Variants in MYO5B observed in about 807,000 individuals in gnomAD.
The protein encoded by MYO5B is myosin VB.
Under a neutral mutation model 229.3 loss-of-function variants are expected in MYO5B, and 143 were observed. The ratio of observed to expected loss-of-function variants is 0.62; its 90% confidence interval spans 0.54 to 0.72. The LOEUF (loss-of-function observed/expected upper bound fraction) is 0.72. Among genes scored for constraint, MYO5B ranks in the 30% least tolerant of loss-of-function variants. The pLI is 0.00. For synonymous variants in MYO5B, 918 were observed against 885.2 expected, an observed-to-expected ratio of 1.04 and a Z score of -0.66; for missense variants, 2,321 against 2,331.0, an observed-to-expected ratio of 1.00 and a Z score of 0.09.
chr18:50,037,214 CAA>C (rs1278629068), intron 3 of MYO5B, among the ~76,000 whole-genome samples: 1 of 148,864 alleles, frequency 6.7e-6, no homozygotes. Context: ...TACACACACA[CAA>C]ACACACACAC....
intron 1 of MYO5B, among the ~76,000 whole-genome samples, chr18:50,117,292 T>C (rs182165653): frequency 1.3e-5 from 2 of 152,068 alleles, no homozygotes; most frequent in Admixed American, 6.5e-5. Flanking sequence ...AAAAATAGCA[T>C]GCTCATGAAT....
intron 2 of MYO5B, 33 bp downstream of exon 2, chr18:50,055,235 A>ACCCCCCCCCCCCCTCCCCCCCCCCCC: frequency 2.8e-6 from 1 of 353,292 alleles, no homozygotes; most frequent in Non-Finnish European, 5.7e-6. Flanking sequence ...GCCCCACCTC[A>ACCCCCCCCCCCCCTCCCCCCCCCCCC]CCCCCGCCCC....
At chr18:49,994,584 C>T (rs1598938332) in intron 5 of MYO5B, among the ~76,000 whole-genome samples, 1 of 152,180 alleles carries the variant, frequency 6.6e-6, no homozygotes, top group Non-Finnish European at 1.5e-5. Flanking sequence ...TTGGAACATG[C>T]CCAAGGTCAG....
chr18:49,855,309 C>T (rs1052158290), intron 30 of MYO5B, among the ~76,000 whole-genome samples: 6 of 152,178 alleles, frequency 3.9e-5, no homozygotes, highest in African/African-American at 1.4e-4. Flanking sequence ...GCCACCTCAT[C>T]GTGCAGGTGA....
chr18:49,992,885 A>G, intron 5 of MYO5B, among the ~76,000 whole-genome samples: 1 of 152,220 alleles, frequency 6.6e-6, no homozygotes, highest in South Asian at 2.1e-4. Context: ...GGAAAAAAAC[A>G]AACAAACCTT....
At chr18:49,898,250 T>G (rs952804759) in intron 21 of MYO5B, among the ~76,000 whole-genome samples, 9 of 152,190 alleles carry the variant, frequency 5.9e-5, no homozygotes, top group Non-Finnish European at 1.3e-4. Flanking sequence ...ATATGCATGA[T>G]TACATATAAC....
At chr18:50,159,207 G>C (rs181333006) in intron 1 of MYO5B, among the ~76,000 whole-genome samples, 101 of 152,294 alleles carry the variant, frequency 6.6e-4, no homozygotes, top group African/African-American at 2.3e-3. Context: ...ACCCAGGGAA[G>C]ATCTCCTGAC....
intron 4 of MYO5B, among the ~76,000 whole-genome samples, chr18:50,035,944 T>C (rs978735380): frequency 6.6e-6 from 1 of 152,206 alleles, no homozygotes; most frequent in Non-Finnish European, 1.5e-5. Context: ...TCTTCCCTCA[T>C]GGAAATTTTC....
chr18:49,930,592 C>A (rs1006893376), intron 16 of MYO5B, among the ~76,000 whole-genome samples: 3 of 152,072 alleles, frequency 2.0e-5, no homozygotes, highest in Admixed American at 2.0e-4. Context: ...AAACACAAAT[C>A]ATAAAAACTA....
At chr18:50,133,301 A>G (rs772817206) in intron 1 of MYO5B, among the ~76,000 whole-genome samples, 7 of 152,242 alleles carry the variant, frequency 4.6e-5, no homozygotes, top group Non-Finnish European at 8.8e-5. Flanking sequence ...AATAAGCACA[A>G]ACAAAATAAC....
intron 5 of MYO5B, among the ~76,000 whole-genome samples, chr18:49,999,309 G>C (rs1286658607): frequency 2.0e-5 from 3 of 152,202 alleles, no homozygotes; most frequent in Non-Finnish European, 4.4e-5. Context: ...GTTAATTGTG[G>C]AGCGGCTGTC....
rs530655126 is a variant in MYO5B, at chr18:50,112,461, T to A, written c.28-57083A>T. ...GCTCCTGCCGAGCCACCCACCCACCTGCCCACACCCAAATGGGGCTCCAAA... is the reference window on the plus strand; with the variant it reads ...GCTCCTGCCGAGCCACCCACCCACCAGCCCACACCCAAATGGGGCTCCAAA... On this transcript the variant is annotated intron_variant, in intron 1 of 39. Transcript: ENST00000285039. 7.9e-5 allele frequency among the ~76,000 whole-genome samples: 12 copies of A among 152,264 alleles called. No homozygotes were observed. In the East Asian group the frequency reaches 2.1e-3, roughly 27 times the overall value.
chr18:49,917,339 G>A (rs1394466844), intron 17 of MYO5B, among the ~76,000 whole-genome samples: 3 of 152,214 alleles, frequency 2.0e-5, no homozygotes, highest in Non-Finnish European at 4.4e-5. Context: ...TTCTCACAGA[G>A]GGTGCTACTG....
At position 50,036,912 on chromosome 18, in the gene MYO5B, G is replaced by A. The variant is rs1007979279; in HGVS notation, c.393C>T (p.Asn131=). 1 of 1,614,154 alleles carries A rather than the reference G, an allele frequency of 6.2e-7. No individual in the cohort carries two copies. The highest frequency in any genetic ancestry group is 1.3e-5 in the African/African-American group (1 of 75,014). ...AGATGTGGGGGTCCATGTCTCCCAT[G>A]TTTTGGCCACTGTAGGTATAGATGA... ...QDVIYTYSGQ[N]MGDMDPHIFA... The change falls in exon 4 of 40, where the codon AAC becomes AAT. Residue 131 remains asparagine, a synonymous_variant. Coordinates refer to ENST00000285039, the MANE Select transcript of MYO5B (RefSeq NM_001080467.3).
chr18:49,942,395 A>AAAC (rs1555645737), intron 14 of MYO5B, among the ~76,000 whole-genome samples: 6 of 141,782 alleles, frequency 4.2e-5, no homozygotes, highest in Admixed American at 1.4e-4. Context: ...AAAAAAAAAA[A>AAAC]AAAAAAAAAA....
At chr18:50,089,372 C>T (rs936483306) in intron 1 of MYO5B, among the ~76,000 whole-genome samples, 3 of 151,450 alleles carry the variant, frequency 2.0e-5, no homozygotes, top group South Asian at 2.1e-4. Flanking sequence ...AGCAAGACTC[C>T]GTCTCAAAAA....
chr18:50,089,641 A>G lies in MYO5B; in HGVS notation c.28-34263T>C, dbSNP rs536801465. Among the ~76,000 whole-genome samples the G allele has an allele frequency of 1.7e-3, 260 of 151,894 alleles. 1 individual carries two copies. Among genetic ancestry groups the G allele is most frequent in the Non-Finnish European group, 2.3e-3 (156 of 67,944 alleles). ...GTACCTGCCTGTGTCCCAGTGTCGT[A>G]GGAGTTATTAATTAATTATTTTAGG... On this transcript the variant is annotated intron_variant, in intron 1 of 39. Coordinates refer to ENST00000285039, the MANE Select transcript of MYO5B (RefSeq NM_001080467.3).
At chr18:50,179,857 C>T (rs1464585794) in intron 1 of MYO5B, among the ~76,000 whole-genome samples, 1 of 152,158 alleles carries the variant, frequency 6.6e-6, no homozygotes, top group Non-Finnish European at 1.5e-5. Context: ...CCTTGCAGTG[C>T]CCTTGGACCC....
At chr18:50,144,835 A>G (rs1400633882) in intron 1 of MYO5B, among the ~76,000 whole-genome samples, 2 of 152,190 alleles carry the variant, frequency 1.3e-5, no homozygotes, top group Non-Finnish European at 1.5e-5. Flanking sequence ...CAGGCCCTTC[A>G]AAAGATGAAG....
Sources: gnomAD v4.1 joint callset for allele counts (sites outside exome capture counted in the v4.1 genomes callset) on GRCh38, gnomAD v4.1.1 for gene constraint, MANE v1.5 for transcripts, NCBI Gene and HGNC (gene_info 2026-07-23, HGNC 2026-07-21) for gene names.